The following ZRANB1 variants were observed in gnomAD, a reference collection of about 807,000 sequenced individuals.
The protein encoded by ZRANB1 is ubiquitin thioesterase ZRANB1.
A neutral mutation model predicts 80.5 loss-of-function variants in ZRANB1; 16 were observed. The observed-to-expected ratio is 0.20, with a 90% CI of 0.13 to 0.30. The LOEUF is 0.30. ZRANB1 is among the 10% of genes least tolerant of loss of function. The probability of loss-of-function intolerance (pLI) is 1.00; values close to 1 mark genes in which losing one functional copy is unlikely to be tolerated. For synonymous variants in ZRANB1, 291 were observed against 293.1 expected, an observed-to-expected ratio of 0.99 and a Z score of 0.07; for missense variants, 576 against 862.6, an observed-to-expected ratio of 0.67 and a Z score of 4.16.
chr10:124,932,441 C>T, the ZRANB1 span, among the ~76,000 whole-genome samples: 1 of 152,100 alleles, frequency 6.6e-6, no homozygotes, highest in Non-Finnish European at 1.5e-5. Context: ...AGGTACCCGC[C>T]ACCGCACCTG....
At chr10:124,965,934 T>G (rs1303539158) in intron 1 of ZRANB1, among the ~76,000 whole-genome samples, 2 of 152,214 alleles carry the variant, frequency 1.3e-5, no homozygotes, top group African/African-American at 2.4e-5. Context: ...CTACTCTAAC[T>G]GGATTGTAAT....
At chr10:124,920,947 A>G in the ZRANB1 span, among the ~76,000 whole-genome samples, 1 of 152,164 alleles carries the variant, frequency 6.6e-6, no homozygotes, top group African/African-American at 2.4e-5. Flanking sequence ...ATTCTAGGAT[A>G]TGCAGTTTGT....
rs1211406754 is a variant in ZRANB1 at position 124,983,740 on chromosome 10, C to T, written c.1908+52C>T. The stretch of plus-strand genomic sequence containing the variant: ...TCTAGTAGTGACCTTGTACCAGAAA[C>T]AGCCTGAAGTGCCTTTCAGGTGTGG... On this transcript the variant is annotated intron_variant, in intron 8 of 8. Coordinates refer to ENST00000359653, the MANE Select transcript of ZRANB1 (RefSeq NM_017580.3). The surrounding 1 kb of genome is among the most constrained non-coding windows in gnomAD (Gnocchi z 6.2). 2 of 1,400,752 alleles carry T rather than the reference C, an allele frequency of 1.4e-6. No homozygotes were observed. The highest frequency in any genetic ancestry group is 4.1e-5 in the Admixed American group (2 of 48,626). 86.8% of individuals were successfully genotyped at this position (1,400,752 alleles called of 1,614,324 possible). A position where few individuals can be genotyped will look rare whatever the true frequency, so the allele number is the denominator to read the frequency against.
At chr10:124,973,253 A>C (rs189689578) in intron 3 of ZRANB1, among the ~76,000 whole-genome samples, 55 of 152,266 alleles carry the variant, frequency 3.6e-4, no homozygotes, top group African/African-American at 1.0e-3. Context: ...CCCCAGGCTC[A>C]AACAGTTCTC....
the ZRANB1 span, among the ~76,000 whole-genome samples, chr10:124,925,838 G>A: frequency 1.3e-5 from 2 of 152,134 alleles, no homozygotes; most frequent in Admixed American, 6.6e-5. Flanking sequence ...ACAGTCACGC[G>A]TTGCTTAAAT....
At chr10:124,975,437 A>G (rs1233935697) in intron 5 of ZRANB1, among the ~76,000 whole-genome samples, 1 of 152,188 alleles carries the variant, frequency 6.6e-6, no homozygotes, top group Non-Finnish European at 1.5e-5. Context: ...CCTACATCTA[A>G]GTAATTCAAC....
chr10:124,938,755 G>T, upstream of ZRANB1, among the ~76,000 whole-genome samples: 1 of 150,600 alleles, frequency 6.6e-6, no homozygotes, highest in African/African-American at 2.5e-5. Flanking sequence ...ATCCCAGGCT[G>T]AAGCACAGTA....
intron 6 of ZRANB1, among the ~76,000 whole-genome samples, chr10:124,982,237 A>G (rs867527522): frequency 1.3e-5 from 2 of 152,278 alleles, no homozygotes; most frequent in Middle Eastern, 3.4e-3. Flanking sequence ...GGGGACACTT[A>G]AGATTACTGG....
At position 124,985,880 on chromosome 10, in the gene ZRANB1, AG is replaced by A. The variant is rs1479711771; in HGVS notation, c.*891del. On this transcript the variant is annotated 3_prime_UTR_variant, in exon 9 of 9. Coordinates refer to ENST00000359653, the MANE Select transcript of ZRANB1 (RefSeq NM_017580.3). The stretch of plus-strand genomic sequence containing the variant: ...TGCTGCTCCCAGATTGCCATGCCAG[AG>A]GGTCTTCGGATTCTTCCTTCTATCA... 1 of 149,710 alleles carries A rather than the reference AG, an allele frequency of 6.7e-6. No individual in the cohort carries two copies. The highest frequency in any genetic ancestry group is 1.9e-4 in the East Asian group (1 of 5,196). 9.3% of individuals were successfully genotyped at this position (149,710 alleles called of 1,614,324 possible). A position where few individuals can be genotyped will look rare whatever the true frequency, so the allele number is the denominator to read the frequency against.
At chr10:124,948,913 ACTC>A (rs1186586503) in intron 1 of ZRANB1, among the ~76,000 whole-genome samples, 1 of 151,574 alleles carries the variant, frequency 6.6e-6, no homozygotes. Context: ...CCTTTATCCT[ACTC>A]CTCCTATGAA....
chr10:124,947,942 A>G (rs1951598356), intron 1 of ZRANB1, among the ~76,000 whole-genome samples: 1 of 152,152 alleles, frequency 6.6e-6, no homozygotes, highest in Non-Finnish European at 1.5e-5. Flanking sequence ...TTTTACTTGG[A>G]TTAAAAGCCA....
chr10:124,921,583 G>A, the ZRANB1 span, among the ~76,000 whole-genome samples: 137 of 152,214 alleles, frequency 9.0e-4, 1 homozygote, highest in South Asian at 0.027. Flanking sequence ...CATCTATGTG[G>A]AAACCTGTCC....
At chr10:124,952,436 G>GA (rs571805087) in intron 1 of ZRANB1, among the ~76,000 whole-genome samples, 37 of 152,210 alleles carry the variant, frequency 2.4e-4, no homozygotes, top group Non-Finnish European at 2.9e-5. Context: ...AGAGCCTCAT[G>GA]AAGGAGCACA....
At chr10:124,977,313 G>A (rs994337672) in intron 5 of ZRANB1, among the ~76,000 whole-genome samples, 7 of 140,044 alleles carry the variant, frequency 5.0e-5, no homozygotes, top group Non-Finnish European at 9.1e-5. Context: ...AAAGACATTT[G>A]TGGTGAGTAA....
chr10:124,966,493 G>C (rs1951777507), intron 1 of ZRANB1, 101 bp from the exon 2 acceptor site: 5 of 1,141,450 alleles, frequency 4.4e-6, no homozygotes, highest in Non-Finnish European at 6.4e-6. Context: ...GATCCAGGAA[G>C]CACAGAGAAA....
intron 1 of ZRANB1, among the ~76,000 whole-genome samples, chr10:124,957,670 T>A (rs1375545332): frequency 1.3e-5 from 2 of 152,190 alleles, no homozygotes; most frequent in African/African-American, 4.8e-5. Flanking sequence ...TTTTGCTTAT[T>A]TCACTTAGTA....
chr10:124,967,838 C>T (rs1480321866), intron 2 of ZRANB1, among the ~76,000 whole-genome samples: 2 of 151,882 alleles, frequency 1.3e-5, no homozygotes, highest in African/African-American at 2.4e-5. Context: ...GTACATGCTA[C>T]CAATGATAGA....
intron 1 of ZRANB1, among the ~76,000 whole-genome samples, chr10:124,944,359 A>G (rs1398634500): frequency 6.6e-6 from 1 of 152,156 alleles, no homozygotes; most frequent in Non-Finnish European, 1.5e-5. Flanking sequence ...CTCAGTACCA[A>G]TTTCTTTTAT....
At chr10:124,944,507 A>G (rs1951563779) in intron 1 of ZRANB1, among the ~76,000 whole-genome samples, 1 of 89,212 alleles carries the variant, frequency 1.1e-5, no homozygotes, top group Admixed American at 1.9e-4. Context: ...CCGCCCCAAG[A>G]TGGGATCTCA....
Sources: allele counts gnomAD v4.1 joint callset (sites outside exome capture counted in the v4.1 genomes callset), GRCh38; gene constraint gnomAD v4.1.1; non-coding constraint Gnocchi (gnomAD v3.1); transcripts MANE v1.5; gene names NCBI Gene and HGNC (gene_info 2026-07-23, HGNC 2026-07-21).